Variants in COL6A2 observed in about 807,000 individuals in gnomAD.
COL6A2 encodes the protein collagen type VI alpha 2 chain.
COL6A2 carries 90 observed loss-of-function variants against 124.9 expected under a neutral mutation model. The ratio of observed to expected loss-of-function variants is 0.72; its 90% confidence interval spans 0.61 to 0.86. COL6A2 has a LOEUF of 0.86. Among genes scored for constraint, COL6A2 ranks in the 40% least tolerant of loss-of-function variants. The pLI, the probability that COL6A2 is intolerant of heterozygous loss-of-function variation, is 0.00. For synonymous variants in COL6A2, 793 were observed against 618.2 expected, an observed-to-expected ratio of 1.28 and a Z score of -4.19; for missense variants, 1,607 against 1,502.5, an observed-to-expected ratio of 1.07 and a Z score of -1.15.
Position 46,126,483 on chromosome 21 carries a change from G to A in COL6A2, c.2423-20G>A. 1 of 1,613,134 alleles carries A rather than the reference G, an allele frequency of 6.2e-7. No homozygotes were observed. The highest frequency in any genetic ancestry group is 8.5e-7 in the Non-Finnish European group (1 of 1,179,614). Reference sequence around the variant, plus strand: ...TAGGGACTGACCCTGGCCTGGCCCGGCCTCTCTCCTCTCTTCCAGACCCTC... The same window carrying A: ...TAGGGACTGACCCTGGCCTGGCCCGACCTCTCTCCTCTCTTCCAGACCCTC... On this transcript the variant is annotated intron_variant, in intron 26 of 27. Coordinates refer to ENST00000300527, the MANE Select transcript of COL6A2 (RefSeq NM_001849.4).
In COL6A2 at chr21:46,126,162, G is replaced by A. The variant is rs1194893303; in HGVS notation, c.2347G>A (p.Val783Met). 6.2e-7 allele frequency: 1 copy of A among 1,609,794 alleles called. No homozygotes were observed. The highest frequency in any genetic ancestry group is 8.5e-7 in the Non-Finnish European group (1 of 1,179,998). The change falls in exon 26 of 28, where the codon GTG becomes ATG. Residue 783 changes from valine (V) to methionine (M), a missense_variant. Physicochemically the swap from Val to Met is conservative, Grantham distance 21 (BLOSUM62 1). Transcript: ENST00000300527. The part of the protein sequence containing the change: ...YSIACDKPQQ[V>M]RNMTLFSDLV... ...CATCGCCTGCGACAAGCCACAGCAG[G>A]TGCGCAACATGACGCTGTTCTCCGA...
intron 1 of COL6A2, among the ~76,000 whole-genome samples, chr21:46,106,406 C>G (rs996277912): frequency 6.6e-6 from 1 of 152,174 alleles, no homozygotes; most frequent in Non-Finnish European, 1.5e-5. Flanking sequence ...AGTTACCTCA[C>G]TGGGCCTTGG....
In COL6A2 at chr21:46,111,509, C is replaced by A; in HGVS notation, c.33C>A (p.Leu11=). Residue 11 remains leucine, a synonymous_variant, in exon 2 of 28, where the codon CTC becomes CTA. Transcript: ENST00000300527. ...AGGGCACCTGCTCCGTGCTCCTGCTCTGGGGAATCCTGGGGGCCATCCAGG... is the reference window on the plus strand; with the variant it reads ...AGGGCACCTGCTCCGTGCTCCTGCTATGGGGAATCCTGGGGGCCATCCAGG... MLQGTCSVLL[L]WGILGAIQAQ... is the part of the protein sequence containing the mutation. 1 of 1,612,914 alleles carries A rather than the reference C, an allele frequency of 6.2e-7. No homozygotes were observed. Among genetic ancestry groups the A allele is most frequent in the Non-Finnish European group, 8.5e-7 (1 of 1,179,880 alleles).
chr21:46,121,601 G>A lies in COL6A2; in HGVS notation c.1504G>A (p.Gly502Arg). Reference sequence around the variant, plus strand: ...TGATGCAGGACCCCGTGGAGACTCAGGACAGCCAGGCCCCAAGGTACGTGC... The same window carrying A: ...TGATGCAGGACCCCGTGGAGACTCAAGACAGCCAGGCCCCAAGGTACGTGC... The part of the protein sequence containing the change: ...PGDAGPRGDS[G>R]QPGPKGDPGR... The change falls in exon 18 of 28, where the codon GGA (glycine) becomes AGA (arginine). Residue 502 changes from glycine to arginine, a missense_variant. By Grantham distance (125) the Gly-to-Arg change is moderately radical (BLOSUM62 -2). Coordinates refer to ENST00000300527, the MANE Select transcript of COL6A2 (RefSeq NM_001849.4). 6.2e-7 allele frequency: 1 copy of A among 1,612,802 alleles called. No individual in the cohort carries two copies.
Position 46,122,880 on chromosome 21 carries a change from C to G in COL6A2, c.1614C>G (p.Gly538=), listed in dbSNP as rs147194375. 4 of 1,613,146 alleles carry G rather than the reference C, an allele frequency of 2.5e-6. No homozygotes were observed. In the Admixed American group the frequency reaches 6.7e-5, roughly 27 times the overall value. ...GEPGPRGPEG[G]RGDFGLKGEP... is the part of the protein sequence containing the mutation. Reference sequence around the variant, plus strand: ...ACATGTGTTCCCTGTCACAGGGAGGCCGAGGCGACTTTGGCTTGAAAGGAG... The same window carrying G: ...ACATGTGTTCCCTGTCACAGGGAGGGCGAGGCGACTTTGGCTTGAAAGGAG... The change falls in exon 21 of 28, where the codon GGC becomes GGG. Residue 538 remains glycine, a synonymous_variant. Coordinates refer to ENST00000300527, the MANE Select transcript of COL6A2 (RefSeq NM_001849.4).
Position 46,126,525 on chromosome 21 carries a change from C to T in COL6A2, c.2445C>T (p.Asp815=), listed in dbSNP as rs2078672055. The change falls in exon 27 of 28, where the codon GAC becomes GAT. Residue 815 remains aspartate (D), a synonymous_variant. Coordinates refer to ENST00000300527, the MANE Select transcript of COL6A2 (RefSeq NM_001849.4). The part of the protein sequence containing the change: ...LCPDPQIVCP[D]LPCQTELSVA... ...CAGACCCTCAGATCGTGTGCCCAGACCTTCCCTGCCAAACAGGTAATGCAG... is the reference window on the plus strand; with the variant it reads ...CAGACCCTCAGATCGTGTGCCCAGATCTTCCCTGCCAAACAGGTAATGCAG... 7 of 1,613,366 alleles carry T rather than the reference C, an allele frequency of 4.3e-6. No homozygotes were observed. The highest frequency in any genetic ancestry group is 5.9e-6 in the Non-Finnish European group (7 of 1,179,758).
chr21:46,120,689 T>A, intron 16 of COL6A2, 112 bp downstream of exon 16: 1 of 1,053,464 alleles, frequency 9.5e-7, no homozygotes, highest in African/African-American at 1.7e-5. Flanking sequence ...GGGACCCGGG[T>A]GGGTGCTGCA....
Position 46,129,253 on chromosome 21 carries a change from C to T in COL6A2, c.2462-2701C>T, listed in dbSNP as rs148646436. 92 of 1,612,936 alleles carry T rather than the reference C, an allele frequency of 5.7e-5. No individual in the cohort carries two copies. The African/African-American group carries it at 6.4e-4, about 11-fold the overall frequency. ...ACCTTCCTCCGCACGGAAGAGGGGC[C>T]GGACGCCACCTTCCCCAGGACCATT... On this transcript the variant is annotated intron_variant, in intron 27 of 27. Coordinates refer to ENST00000300527, the MANE Select transcript of COL6A2 (RefSeq NM_001849.4).
At position 46,126,479 on chromosome 21, in the gene COL6A2, C is replaced by T. The variant is rs754848838; in HGVS notation, c.2423-24C>T. 3.1e-6 allele frequency: 5 copies of T among 1,612,950 alleles called. No individual in the cohort carries two copies. In the Admixed American group the frequency reaches 6.7e-5, roughly 22 times the overall value. Reference sequence around the variant, plus strand: ...TCGCTAGGGACTGACCCTGGCCTGGCCCGGCCTCTCTCCTCTCTTCCAGAC... The same window carrying T: ...TCGCTAGGGACTGACCCTGGCCTGGTCCGGCCTCTCTCCTCTCTTCCAGAC... On this transcript the variant is annotated intron_variant, in intron 26 of 27. Transcript: ENST00000300527.
In COL6A2 at chr21:46,116,866, G is replaced by A. The variant is rs748233927; in HGVS notation, c.999+52G>A. On this transcript the variant is annotated intron_variant, in intron 10 of 27. Coordinates refer to ENST00000300527, the MANE Select transcript of COL6A2 (RefSeq NM_001849.4). The surrounding 1 kb of genome is among the most constrained non-coding windows in gnomAD (Gnocchi z 4.6). ...GGACTGGTCTCACAGAGGCATCCCA[G>A]CCTCTGCAGGGCCCCCAGATCCAGC... 3 of 1,599,720 alleles carry A rather than the reference G, an allele frequency of 1.9e-6. No individual in the cohort carries two copies. Among genetic ancestry groups the A allele is most frequent in the African/African-American group, 2.7e-5 (2 of 74,548 alleles).
chr21:46,100,685 G>A (rs2078279313), intron 1 of COL6A2, among the ~76,000 whole-genome samples: 1 of 114,702 alleles, frequency 8.7e-6, no homozygotes, highest in Non-Finnish European at 2.0e-5. Flanking sequence ...ATTTCACGTG[G>A]CTTAATGTCC....
At chr21:46,123,337 C>T (rs2078597496) in intron 21 of COL6A2, among the ~76,000 whole-genome samples, 1 of 150,938 alleles carries the variant, frequency 6.6e-6, no homozygotes, top group African/African-American at 2.4e-5. Flanking sequence ...ATAGCATCCC[C>T]CTCAGAGTTC....
Position 46,117,286 on chromosome 21 carries a change from G to A in COL6A2, c.1000-114G>A, listed in dbSNP as rs1029396897. 20 of 1,075,266 alleles carry A rather than the reference G, an allele frequency of 1.9e-5. No homozygotes were observed. In the East Asian group the frequency reaches 3.9e-4, roughly 21 times the overall value. 66.6% of individuals were successfully genotyped at this position (1,075,266 alleles called of 1,614,324 possible). ...CCTCATGTGGGCACCCGTGTGCCAG[G>A]AGGAGAGCGCTGCAGCCCTGCGGGG... On this transcript the variant is annotated intron_variant, in intron 10 of 27. Coordinates refer to ENST00000300527, the MANE Select transcript of COL6A2 (RefSeq NM_001849.4).
intron 2 of COL6A2, 149 bp from the exon 3 acceptor site, chr21:46,111,830 C>T: frequency 1.5e-6 from 1 of 670,218 alleles, no homozygotes; most frequent in Non-Finnish European, 2.5e-6. Flanking sequence ...CAGTTGGGAC[C>T]AGTACCCAGG....
chr21:46,123,002 G>A, intron 21 of COL6A2, 65 bp downstream of exon 21: 3 of 1,476,138 alleles, frequency 2.0e-6, no homozygotes, highest in Non-Finnish European at 2.8e-6. Context: ...CTGAGGCTGA[G>A]CGTGTGCATC....
chr21:46,125,383 C>T, intron 24 of COL6A2, 72 bp downstream of exon 24: 1 of 1,604,508 alleles, frequency 6.2e-7, no homozygotes, highest in South Asian at 1.1e-5. Context: ...AGGGCTGGGT[C>T]ATCGCTGGGT....
chr21:46,123,014 ATG>A (rs1418974419), intron 21 of COL6A2, 77 bp downstream of exon 21: 6 of 1,383,158 alleles, frequency 4.3e-6, no homozygotes, highest in Admixed American at 1.7e-5. Context: ...GTGTGCATCT[ATG>A]AGTACAGGAG....
chr21:46,099,807 T>C (rs1006464163), intron 1 of COL6A2, among the ~76,000 whole-genome samples: 2 of 149,366 alleles, frequency 1.3e-5, no homozygotes, highest in African/African-American at 4.9e-5. Flanking sequence ...AAGGGCGGCA[T>C]CTGGGTCCAG....
intron 27 of COL6A2, chr21:46,129,463 A>AC: frequency 6.3e-7 from 1 of 1,593,968 alleles, no homozygotes; most frequent in Non-Finnish European, 8.6e-7. Flanking sequence ...ATCGTGGGGG[A>AC]CCCCGAGACC....
Sources: allele counts gnomAD v4.1 joint callset (sites outside exome capture counted in the v4.1 genomes callset), GRCh38; gene constraint gnomAD v4.1.1; non-coding constraint Gnocchi (gnomAD v3.1); transcripts MANE v1.5; gene names NCBI Gene and HGNC (gene_info 2026-07-23, HGNC 2026-07-21).